The following WDR5 variants were observed in gnomAD, a reference collection of about 807,000 sequenced individuals.
The protein encoded by WDR5 is WD repeat-containing protein 5.
For synonymous variants in WDR5, 144 were observed against 161.6 expected, an observed-to-expected ratio of 0.89 and a Z score of 0.83; for missense variants, 187 against 416.9, an observed-to-expected ratio of 0.45 and a Z score of 4.80.
At chr9:134,143,827 T>TA (rs202164502) in intron 7 of WDR5, among the ~76,000 whole-genome samples, 10,582 of 134,526 alleles carry the variant, frequency 0.079, 758 homozygotes, top group African/African-American at 0.21. Context: ...AACTCTGTCT[T>TA]TAAAAAAAAA....
chr9:134,148,522 G>C (rs1008182359), intron 8 of WDR5, among the ~76,000 whole-genome samples, 179 bp downstream of exon 8: 3 of 152,128 alleles, frequency 2.0e-5, no homozygotes, highest in Admixed American at 2.0e-4. Context: ...TTTCGGGGTT[G>C]GCAGCACAGG....
At chr9:134,155,279 G>C in intron 10 of WDR5, 61 bp from the exon 11 acceptor site, 1 of 1,496,172 alleles carries the variant, frequency 6.7e-7, no homozygotes. Context: ...CTGCAGAGTT[G>C]GGTGTGGGGA....
In WDR5 at chr9:134,158,124, C is replaced by T. The variant is rs898807507; in HGVS notation, c.*131C>T. On this transcript the variant is annotated 3_prime_UTR_variant, in exon 14 of 14. Coordinates refer to ENST00000358625, the MANE Select transcript of WDR5 (RefSeq NM_017588.3). The stretch of plus-strand genomic sequence containing the variant: ...ACAGGGCCTGATTTGAGCCTCCTCT[C>T]TGAAGATGATTTGGCCGAGCGGAAG... The T allele has an allele frequency of 7.7e-6, 6 of 774,376 alleles. No homozygotes were observed. The highest frequency in any genetic ancestry group is 2.4e-4 in the Middle Eastern group (1 of 4,234). 48.0% of individuals were successfully genotyped at this position (774,376 alleles called of 1,614,324 possible).
At chr9:134,147,071 A>C (rs1475570049) in intron 7 of WDR5, among the ~76,000 whole-genome samples, 2 of 152,252 alleles carry the variant, frequency 1.3e-5, no homozygotes, top group Non-Finnish European at 2.9e-5. Context: ...AAAAAAAGAA[A>C]GTAAAGTGTC....
intron 7 of WDR5, among the ~76,000 whole-genome samples, chr9:134,146,950 G>T (rs1452937218): frequency 6.6e-6 from 1 of 152,208 alleles, no homozygotes; most frequent in African/African-American, 2.4e-5. Context: ...GTCTGCTGGA[G>T]AACATCTAGG....
At chr9:134,145,960 A>G (rs1392245489) in intron 7 of WDR5, among the ~76,000 whole-genome samples, 2 of 136,612 alleles carry the variant, frequency 1.5e-5, no homozygotes, top group African/African-American at 5.8e-5. Flanking sequence ...TTGTTTTTTA[A>G]TATTTATTTA....
rs528173116 is a variant in WDR5, at chr9:134,145,124, A to C, written c.528+2405A>C. Among the ~76,000 whole-genome samples, 18 of 81,206 alleles carry C rather than the reference A, an allele frequency of 2.2e-4. No homozygotes were observed. In the South Asian group the frequency reaches 7.9e-3, roughly 36 times the overall value. 53.3% of individuals were successfully genotyped at this position (81,206 alleles called of 152,430 possible). On this transcript the variant is annotated intron_variant, in intron 7 of 13. Coordinates refer to ENST00000358625, the MANE Select transcript of WDR5 (RefSeq NM_017588.3). ...TTTTTTTTTTTTTTTTTTGAAACAG[A>C]ATCTCACTCTGTTGCCCAGGCTGGA...
intron 3 of WDR5, 90 bp from the exon 4 acceptor site, chr9:134,141,420 A>T: frequency 7.9e-7 from 1 of 1,261,166 alleles, no homozygotes; most frequent in Non-Finnish European, 1.2e-6. Flanking sequence ...ATCACCTGGG[A>T]CTCATGTGGG....
At chr9:134,141,479 C>A in intron 3 of WDR5, 31 bp from the exon 4 acceptor site, 2 of 1,611,054 alleles carry the variant, frequency 1.2e-6, no homozygotes, top group Non-Finnish European at 1.7e-6. Context: ...GTGTCCTGCT[C>A]TTAGCCTCAG....
At position 134,158,422 on chromosome 9, in the gene WDR5, G is replaced by A. The variant is rs751707382; in HGVS notation, c.*429G>A. Reference sequence around the variant, plus strand: ...GCTGGCCTCCCCTTTGGCCCACGCCGGCCGCCCCCATTCTCTGCTGCGTAG... The same window carrying A: ...GCTGGCCTCCCCTTTGGCCCACGCCAGCCGCCCCCATTCTCTGCTGCGTAG... On this transcript the variant is annotated 3_prime_UTR_variant, in exon 14 of 14. Coordinates refer to ENST00000358625, the MANE Select transcript of WDR5 (RefSeq NM_017588.3). 17 of 160,640 alleles carry A rather than the reference G, an allele frequency of 1.1e-4. No homozygotes were observed. Among genetic ancestry groups the A allele is most frequent in the African/African-American group, 1.9e-4 (8 of 41,488 alleles). The allele number at this position is 160,640 out of a possible 1,614,324, so 10.0% of individuals were successfully genotyped here. A position where few individuals can be genotyped will look rare whatever the true frequency, so the allele number is the denominator to read the frequency against.
intron 10 of WDR5, 109 bp from the exon 11 acceptor site, chr9:134,155,231 T>A (rs1447887082): frequency 7.4e-7 from 1 of 1,348,040 alleles, no homozygotes; most frequent in African/African-American, 1.5e-5. Context: ...CCCCGCTGGC[T>A]TTTGCACCTG....
At chr9:134,141,922 T>G (rs367746758) in intron 4 of WDR5, 27 bp from the exon 5 acceptor site, 2 of 1,608,556 alleles carry the variant, frequency 1.2e-6, no homozygotes, top group Admixed American at 1.7e-5. Flanking sequence ...TCCTGTCAAG[T>G]TACTGACCCT....
At chr9:134,156,369 T>C (rs938927214) in intron 12 of WDR5, 137 bp from the exon 13 acceptor site, 88 of 805,744 alleles carry the variant, frequency 1.1e-4, no homozygotes, top group Non-Finnish European at 1.3e-4. Context: ...AGGCAGGGCT[T>C]TTTGGTTGAG....
chr9:134,154,858 G>A (rs1408464622), intron 10 of WDR5, among the ~76,000 whole-genome samples: 1 of 152,236 alleles, frequency 6.6e-6, no homozygotes. Flanking sequence ...GCCCTTTCTG[G>A]TTCTGACCTC....
intron 8 of WDR5, among the ~76,000 whole-genome samples, chr9:134,149,278 C>G (rs1026040900): frequency 6.6e-6 from 1 of 152,208 alleles, no homozygotes. Context: ...ATGGGCTTCA[C>G]AGCACACACT....
At chr9:134,144,963 A>G (rs1165142619) in intron 7 of WDR5, among the ~76,000 whole-genome samples, 2 of 152,062 alleles carry the variant, frequency 1.3e-5, no homozygotes, top group African/African-American at 4.8e-5. Context: ...TTTTAGGTGC[A>G]TATTTTCCAG....
chr9:134,138,556 G>A (rs1051621204), intron 1 of WDR5, among the ~76,000 whole-genome samples: 33 of 152,194 alleles, frequency 2.2e-4, no homozygotes, highest in African/African-American at 7.5e-4. Flanking sequence ...CCTGGGCAGC[G>A]CTACAGGGCC....
intron 7 of WDR5, among the ~76,000 whole-genome samples, chr9:134,147,150 A>G (rs35504753): frequency 0.011 from 1,641 of 152,388 alleles, 19 homozygotes; most frequent in Middle Eastern, 0.024. Flanking sequence ...ATGTTACCAA[A>G]GTAATTTCAC....
intron 2 of WDR5, 113 bp downstream of exon 2, chr9:134,140,071 C>A: frequency 8.0e-7 from 1 of 1,247,390 alleles, no homozygotes; most frequent in Non-Finnish European, 1.1e-6. Context: ...AATGTCACTG[C>A]TAATTTTTAT....
Sources: gnomAD v4.1 joint callset for allele counts (sites outside exome capture counted in the v4.1 genomes callset) on GRCh38, gnomAD v4.1.1 for gene constraint, MANE v1.5 for transcripts, NCBI Gene and HGNC (gene_info 2026-07-23, HGNC 2026-07-21) for gene names.